Variants in MMP16 observed in about 807,000 individuals in gnomAD.
MMP16 encodes the protein matrix metallopeptidase 16, also known as matrix metalloproteinase-16.
A neutral mutation model predicts 67.8 loss-of-function variants in MMP16; 12 were observed. The observed-to-expected ratio is 0.18, with a 90% CI of 0.11 to 0.29. The LOEUF is 0.29. MMP16 is among the 10% of genes least tolerant of loss of function. The probability of loss-of-function intolerance (pLI) is 1.00; values close to 1 mark genes in which losing one functional copy is unlikely to be tolerated. For synonymous variants in MMP16, 249 were observed against 255.9 expected, an observed-to-expected ratio of 0.97 and a Z score of 0.26; for missense variants, 475 against 765.7, an observed-to-expected ratio of 0.62 and a Z score of 4.48.
chr8:88,274,803 T>C (rs1432864034), intron 1 of MMP16, among the ~76,000 whole-genome samples: 1 of 151,934 alleles, frequency 6.6e-6, no homozygotes, highest in African/African-American at 2.4e-5. Flanking sequence ...AAAGAGATAA[T>C]TACATGATAG....
chr8:88,323,962 T>G (rs1811499222), intron 1 of MMP16, among the ~76,000 whole-genome samples: 1 of 152,288 alleles, frequency 6.6e-6, no homozygotes, highest in African/African-American at 2.4e-5. Context: ...TGACTTTTAG[T>G]TAATATTAGC....
intron 4 of MMP16, among the ~76,000 whole-genome samples, chr8:88,157,144 G>C (rs117708709): frequency 6.6e-6 from 1 of 152,004 alleles, no homozygotes; most frequent in Non-Finnish European, 1.5e-5. Flanking sequence ...CATGGCTTTT[G>C]CATCTATGCA....
intron 1 of MMP16, among the ~76,000 whole-genome samples, chr8:88,246,009 C>A (rs1026319558): frequency 6.6e-6 from 1 of 152,106 alleles, no homozygotes; most frequent in African/African-American, 2.4e-5. Flanking sequence ...GCAAGAAATT[C>A]TCTGTTAATG....
rs1379212776 is a variant in MMP16, at chr8:88,248,789, G to C, written c.133-51483C>G. Among the ~76,000 whole-genome samples, 8 of 82,542 alleles carry C rather than the reference G, an allele frequency of 9.7e-5. No homozygotes were observed. In the East Asian group the frequency reaches 5.6e-3, roughly 58 times the overall value. The allele number at this position is 82,542 out of a possible 152,430, so 54.2% of individuals were successfully genotyped here. On this transcript the variant is annotated intron_variant, in intron 1 of 9. Transcript: ENST00000286614. ...TCACTGGCAGGTTGTATTGGACATA[G>C]TAAAAAAAAAAAAAAAAAATTACTG...
intron 4 of MMP16, among the ~76,000 whole-genome samples, chr8:88,165,218 A>G (rs1367985454): frequency 6.6e-6 from 1 of 150,876 alleles, no homozygotes; most frequent in African/African-American, 2.4e-5. Context: ...GAAAAAACCC[A>G]GCTAATAAAG....
intron 4 of MMP16, among the ~76,000 whole-genome samples, chr8:88,146,230 TATTAGTAATTATA>T (rs1808287721): frequency 6.6e-6 from 1 of 152,054 alleles, no homozygotes; most frequent in Admixed American, 6.6e-5. Flanking sequence ...GACTCTATGA[TATTAGTAATTATA>T]ATTAGATACA....
At chr8:88,142,334 A>G (rs1462217329) in intron 4 of MMP16, among the ~76,000 whole-genome samples, 1 of 152,186 alleles carries the variant, frequency 6.6e-6, no homozygotes, top group Non-Finnish European at 1.5e-5. Flanking sequence ...GATATTAGTC[A>G]TCAGACATAT....
chr8:88,077,902 G>A (rs1002530115), intron 6 of MMP16, among the ~76,000 whole-genome samples: 1 of 152,082 alleles, frequency 6.6e-6, no homozygotes, highest in Non-Finnish European at 1.5e-5. Context: ...GAACCATAAA[G>A]AAAAAAATAC....
chr8:88,309,467 T>C (rs1811263091), intron 1 of MMP16, among the ~76,000 whole-genome samples: 1 of 151,802 alleles, frequency 6.6e-6, no homozygotes, highest in South Asian at 2.1e-4. Flanking sequence ...ACTGTGTGTG[T>C]CTAGAAAATT....
Position 88,032,860 on chromosome 8 carries a change from C to A in MMP16, c.*8601G>T, listed in dbSNP as rs1808003790. 6.6e-6 allele frequency: 1 copy of A among 152,096 alleles called. No homozygotes were observed. Among genetic ancestry groups the A allele is most frequent in the East Asian group, 1.9e-4 (1 of 5,156 alleles). 9.4% of individuals were successfully genotyped at this position (152,096 alleles called of 1,614,324 possible). The stretch of plus-strand genomic sequence containing the variant: ...ACAGAAGACTACATATTATCAAGAA[C>A]TTAATGAAATAGTGTTGAGTGTAAT... On this transcript the variant is annotated 3_prime_UTR_variant, in exon 10 of 10. Transcript: ENST00000286614.
intron 6 of MMP16, among the ~76,000 whole-genome samples, chr8:88,100,393 T>C (rs1050117359): frequency 2.0e-5 from 3 of 151,880 alleles, no homozygotes; most frequent in Non-Finnish European, 2.9e-5. Flanking sequence ...TCATCACTGG[T>C]CATCAGAGAA....
intron 4 of MMP16, among the ~76,000 whole-genome samples, chr8:88,158,883 C>T (rs200164693): frequency 4.9e-4 from 74 of 152,118 alleles, no homozygotes; most frequent in African/African-American, 1.2e-3. Context: ...TTTCTATATA[C>T]GGCTAGCCAG....
intron 3 of MMP16, 194 bp downstream of exon 3, chr8:88,186,282 G>T: frequency 4.0e-6 from 2 of 502,252 alleles, no homozygotes; most frequent in Non-Finnish European, 6.7e-6. Flanking sequence ...GAGCCCAAGT[G>T]TCTCAGAGTG....
In MMP16 at chr8:88,067,585, C is replaced by G. The variant is rs192541572; in HGVS notation, c.1222+7020G>C. Among the ~76,000 whole-genome samples the G allele has an allele frequency of 2.6e-3, 400 of 152,218 alleles. 1 individual carries two copies. Among genetic ancestry groups the G allele is most frequent in the African/African-American group, 9.3e-3 (388 of 41,552 alleles). ...AAGTTTTCTTCACACCCAACTCTTG[C>G]CTGTCCCCAGGGAACCAATGAGGCA... On this transcript the variant is annotated intron_variant, in intron 7 of 9. Transcript: ENST00000286614.
At chr8:88,075,455 G>T (rs760017405) in intron 6 of MMP16, among the ~76,000 whole-genome samples, 1 of 151,950 alleles carries the variant, frequency 6.6e-6, no homozygotes, top group African/African-American at 2.4e-5. Context: ...ACCCATAGCA[G>T]GTTTCTATAA....
chr8:88,264,993 T>C (rs865926660), intron 1 of MMP16, among the ~76,000 whole-genome samples: 6 of 152,152 alleles, frequency 3.9e-5, no homozygotes, highest in Middle Eastern at 3.2e-3. Flanking sequence ...CCCCTACCGA[T>C]CCTCTCCCTG....
intron 1 of MMP16, among the ~76,000 whole-genome samples, chr8:88,272,598 G>A (rs1810581083): frequency 6.6e-6 from 1 of 152,172 alleles, no homozygotes; most frequent in Non-Finnish European, 1.5e-5. Flanking sequence ...GGGGCAATGG[G>A]ACAATTGGTA....
intron 4 of MMP16, among the ~76,000 whole-genome samples, chr8:88,128,934 G>A (rs780645752): frequency 6.6e-6 from 1 of 151,748 alleles, no homozygotes; most frequent in Non-Finnish European, 1.5e-5. Context: ...GAATGATTGG[G>A]TTTAAATTCC....
At chr8:88,184,777 A>AAAAAAAAAAAAAAAAAAAAAAAAAAC (rs1809046409) in intron 3 of MMP16, among the ~76,000 whole-genome samples, 1 of 132,972 alleles carries the variant, frequency 7.5e-6, no homozygotes, top group African/African-American at 2.8e-5. Context: ...AAAAAAAAAA[A>AAAAAAAAAAAAAAAAAAAAAAAAAAC]AGAAAAGAAA....
Sources: gnomAD v4.1 joint callset for allele counts (sites outside exome capture counted in the v4.1 genomes callset) on GRCh38, gnomAD v4.1.1 for gene constraint, MANE v1.5 for transcripts, NCBI Gene and HGNC (gene_info 2026-07-23, HGNC 2026-07-21) for gene names.